The following PCDHAC2 variants were observed in gnomAD, a reference collection of about 807,000 sequenced individuals.
PCDHAC2 encodes the protein protocadherin alpha subfamily C, 2.
In PCDHAC2, 24 loss-of-function variants were observed where a neutral mutation model predicts 63.3. The ratio of observed to expected loss-of-function variants is 0.38; its 90% CI spans 0.27 to 0.53. The LOEUF is 0.53. PCDHAC2 is among the 20% of genes least tolerant of loss of function. The probability of loss-of-function intolerance (pLI) is 0.81; values close to 1 mark genes in which losing one functional copy is unlikely to be tolerated. For synonymous variants in PCDHAC2, 569 were observed against 529.4 expected (o/e 1.07, Z -1.03); for missense variants, 1,181 against 1,275.2 (o/e 0.93, Z 1.12).
In PCDHAC2 at chr5:140,966,895, G is replaced by T; in HGVS notation, c.129G>T (p.Gln43His). 1 of 1,596,682 alleles carries T rather than the reference G, an allele frequency of 6.3e-7. No homozygotes were observed. ...TGCTACCTGGCCCTGCGGCCTCCCAGCTGCGATACTCTGTGCCAGAGGAGC... is the reference window on the plus strand; with the variant it reads ...TGCTACCTGGCCCTGCGGCCTCCCATCTGCGATACTCTGTGCCAGAGGAGC... ...LLLLPGPAAS[Q>H]LRYSVPEEQA... The change falls in exon 1 of 4, where the codon CAG becomes CAT. Residue 43 changes from glutamine (Q) to histidine (H), a missense_variant. Coordinates refer to ENST00000289269, the MANE Select transcript of PCDHAC2 (RefSeq NM_018899.6).
intron 2 of PCDHAC2, among the ~76,000 whole-genome samples, chr5:140,979,837 C>T (rs1554241124): frequency 6.6e-6 from 1 of 152,188 alleles, no homozygotes; most frequent in Non-Finnish European, 1.5e-5. Flanking sequence ...AAGAAATAAT[C>T]TTCAAACTTA....
At chr5:141,001,959 C>T (rs755695273) in intron 3 of PCDHAC2, among the ~76,000 whole-genome samples, 8 of 152,098 alleles carry the variant, frequency 5.3e-5, no homozygotes, top group Admixed American at 3.9e-4. Context: ...GAGGGAGAGG[C>T]GGGGTGTCTC....
At chr5:141,000,857 A>G (rs1002294819) in intron 3 of PCDHAC2, among the ~76,000 whole-genome samples, 7 of 152,132 alleles carry the variant, frequency 4.6e-5, no homozygotes, top group African/African-American at 1.7e-4. Context: ...GCAGTCAGCC[A>G]TGACCTCACC....
Position 141,010,090 on chromosome 5 carries a change from C to A in PCDHAC2, c.*153C>A. On this transcript the variant is annotated 3_prime_UTR_variant, in exon 4 of 4. Transcript: ENST00000289269. ...AAGTTCCCTGTGTCTGTCTAGAACG[C>A]ATTTAACAGGTTTTGTCGTAAAAGC... 1 of 1,612,636 alleles carries A rather than the reference C, an allele frequency of 6.2e-7. No homozygotes were observed. Among genetic ancestry groups the A allele is most frequent in the Non-Finnish European group, 8.5e-7 (1 of 1,179,276 alleles).
intron 3 of PCDHAC2, among the ~76,000 whole-genome samples, chr5:140,996,441 C>G (rs2097726719): frequency 6.6e-6 from 1 of 152,146 alleles, no homozygotes; most frequent in Non-Finnish European, 1.5e-5. Context: ...TAGTCAGTGT[C>G]AAGTTGTGGT....
chr5:140,977,245 AC>A (rs2096751811), intron 1 of PCDHAC2, among the ~76,000 whole-genome samples: 1 of 152,212 alleles, frequency 6.6e-6, no homozygotes, highest in Non-Finnish European at 1.5e-5. Context: ...AAAATTGGCA[AC>A]ATTTCTCAGC....
chr5:141,005,049 T>C (rs1248594838), intron 3 of PCDHAC2, among the ~76,000 whole-genome samples: 6 of 152,264 alleles, frequency 3.9e-5, no homozygotes, highest in African/African-American at 1.4e-4. Context: ...TACCATTTAC[T>C]GAATTCTTGC....
chr5:141,000,103 G>T (rs551643743), intron 3 of PCDHAC2, among the ~76,000 whole-genome samples: 2 of 152,068 alleles, frequency 1.3e-5, no homozygotes, highest in Non-Finnish European at 2.9e-5. Flanking sequence ...GCTCAACTCC[G>T]TCTCTTCCCT....
rs1459343581 is a variant in PCDHAC2 at position 141,012,230 on chromosome 5, A to G, written c.*2293A>G. 1.3e-5 allele frequency: 2 copies of G among 153,766 alleles called. No individual in the cohort carries two copies. The highest frequency in any genetic ancestry group is 6.5e-5 in the Admixed American group (1 of 15,278). 9.5% of individuals were successfully genotyped at this position (153,766 alleles called of 1,614,324 possible). On this transcript the variant is annotated 3_prime_UTR_variant, in exon 4 of 4. Transcript: ENST00000289269. ...ACATTTGCGAAGTGCTTTCCAATCC[A>G]TGTTAGTTACTAGTTATTACAGCTG...
Position 140,966,490 on chromosome 5 carries a change from T to G in PCDHAC2, c.-277T>G, listed in dbSNP as rs533525977. 4.6e-6 allele frequency: 2 copies of G among 437,964 alleles called. No homozygotes were observed. Among genetic ancestry groups the G allele is most frequent in the Non-Finnish European group, 7.9e-6 (2 of 252,788 alleles). 27.1% of individuals were successfully genotyped at this position (437,964 alleles called of 1,614,324 possible). A position where few individuals can be genotyped will look rare whatever the true frequency, so the allele number is the denominator to read the frequency against. On this transcript the variant is annotated 5_prime_UTR_variant, in exon 1 of 4. Coordinates refer to ENST00000289269, the MANE Select transcript of PCDHAC2 (RefSeq NM_018899.6). ...CCTTCTGTTTCCTTTTCCCTCCCCCTGGAGCTGTAGCGGCAGCAGCAGCAG... is the reference window on the plus strand; with the variant it reads ...CCTTCTGTTTCCTTTTCCCTCCCCCGGGAGCTGTAGCGGCAGCAGCAGCAG...
chr5:140,989,139 C>G (rs1308771993), intron 3 of PCDHAC2, among the ~76,000 whole-genome samples: 1 of 152,136 alleles, frequency 6.6e-6, no homozygotes, highest in African/African-American at 2.4e-5. Context: ...ACACTTTATC[C>G]CTTCTTTTGT....
chr5:141,009,868 G>C lies in PCDHAC2; in HGVS notation c.2955G>C (p.Lys985Asn). 1 of 1,614,022 alleles carries C rather than the reference G, an allele frequency of 6.2e-7. No individual in the cohort carries two copies. Among genetic ancestry groups the C allele is most frequent in the Non-Finnish European group, 8.5e-7 (1 of 1,180,004 alleles). Residue 985 changes from lysine (K) to asparagine (N), a missense_variant, in exon 4 of 4, where the codon AAG becomes AAC. Transcript: ENST00000289269. ...AGGAGACCAAGAAAAAGAAGAAAAA[G>C]AAGAAGGGTAACAAGACCCAGGAGA... ...KKEETKKKKKKKKGNKTQEKK... is the reference protein window; with the variant it reads ...KKEETKKKKKNKKGNKTQEKK...
Position 141,006,215 on chromosome 5 carries a change from T to A in PCDHAC2, c.2714-3412T>A, listed in dbSNP as rs530559800. Among the ~76,000 whole-genome samples, 194 of 151,754 alleles carry A rather than the reference T, an allele frequency of 1.3e-3. 2 individuals carry two copies. The highest frequency in any genetic ancestry group is 4.2e-3 in the African/African-American group (174 of 41,396). ...ATGTATGTTATGCCTCATTTTTTTT[T>A]AAATTTTTTATTTTTAGATGGAGTC... On this transcript the variant is annotated intron_variant, in intron 3 of 3. Coordinates refer to ENST00000289269, the MANE Select transcript of PCDHAC2 (RefSeq NM_018899.6).
chr5:140,984,658 A>G (rs1421972508), intron 3 of PCDHAC2, among the ~76,000 whole-genome samples: 1 of 152,146 alleles, frequency 6.6e-6, no homozygotes, highest in Non-Finnish European at 1.5e-5. Flanking sequence ...TCCTTCTGGT[A>G]CTTTTAGGTT....
intron 3 of PCDHAC2, among the ~76,000 whole-genome samples, chr5:141,004,953 G>A (rs1409171628): frequency 7.2e-5 from 11 of 152,166 alleles, no homozygotes; most frequent in African/African-American, 2.4e-4. Context: ...ACCCTCTCTC[G>A]TCACTGCCTG....
intron 3 of PCDHAC2, among the ~76,000 whole-genome samples, chr5:141,003,892 C>T (rs1401621234): frequency 6.6e-6 from 1 of 152,124 alleles, no homozygotes; most frequent in South Asian, 2.1e-4. Context: ...TCTTAACAGG[C>T]CCATTCATTT....
intron 2 of PCDHAC2, among the ~76,000 whole-genome samples, chr5:140,979,729 C>CA: frequency 6.6e-6 from 1 of 152,232 alleles, no homozygotes; most frequent in African/African-American, 2.4e-5. Flanking sequence ...GCCATGGGGC[C>CA]AAATAAAAGA....
At chr5:141,007,199 G>A (rs561958637) in intron 3 of PCDHAC2, among the ~76,000 whole-genome samples, 3 of 152,036 alleles carry the variant, frequency 2.0e-5, no homozygotes, top group African/African-American at 7.2e-5. Flanking sequence ...TGATGGTGGG[G>A]GCCAGAATAT....
At chr5:141,003,502 G>C (rs1384211644) in intron 3 of PCDHAC2, among the ~76,000 whole-genome samples, 3 of 151,992 alleles carry the variant, frequency 2.0e-5, no homozygotes, top group African/African-American at 2.4e-5. Context: ...TAGTAGAGAT[G>C]GGGTTTCACC....
Sources: allele counts gnomAD v4.1 joint callset (sites outside exome capture counted in the v4.1 genomes callset), GRCh38; gene constraint gnomAD v4.1.1; transcripts MANE v1.5; gene names NCBI Gene and HGNC (gene_info 2026-07-23, HGNC 2026-07-21).